The following AGMO variants were observed in gnomAD, a reference collection of about 807,000 sequenced individuals.
AGMO encodes the protein alkylglycerol monooxygenase.
Under a neutral mutation model 60.2 loss-of-function variants are expected in AGMO, and 75 were observed. The ratio of observed to expected loss-of-function variants is 1.25; its 90% CI spans 1.03 to 1.51. The LOEUF is 1.51. Among genes scored for constraint, AGMO ranks in the 40% most tolerant of loss-of-function variants. The probability of loss-of-function intolerance (pLI) is 0.00; values close to 1 mark genes in which losing one functional copy is unlikely to be tolerated. For missense variants in AGMO, 763 were observed against 525.5 expected (o/e 1.45, Z -4.42); for synonymous variants, 261 against 177.1 (o/e 1.47, Z -3.76).
chr7:15,509,984 G>C (rs1342966503), intron 3 of AGMO, among the ~76,000 whole-genome samples: 2 of 152,150 alleles, frequency 1.3e-5, no homozygotes, highest in African/African-American at 4.8e-5. Context: ...AATTGGTACA[G>C]CCATTATAGA....
chr7:15,213,559 A>T (rs1286328310), intron 12 of AGMO, among the ~76,000 whole-genome samples: 3 of 151,954 alleles, frequency 2.0e-5, no homozygotes, highest in African/African-American at 7.2e-5. Flanking sequence ...GTAATTGAAC[A>T]GTAAAAAAAC....
At chr7:15,334,497 CT>C (rs1781590821) in intron 12 of AGMO, among the ~76,000 whole-genome samples, 1 of 152,082 alleles carries the variant, frequency 6.6e-6, no homozygotes, top group East Asian at 1.9e-4. Context: ...CAATCCTTTG[CT>C]TTTCCCTAGG....
intron 10 of AGMO, among the ~76,000 whole-genome samples, chr7:15,377,349 C>G (rs181132013): frequency 6.6e-6 from 1 of 152,066 alleles, no homozygotes; most frequent in Non-Finnish European, 1.5e-5. Context: ...CTTGATATTT[C>G]TCTTCGTCAA....
intron 3 of AGMO, among the ~76,000 whole-genome samples, chr7:15,536,858 A>G (rs1436120358): frequency 6.6e-6 from 1 of 151,996 alleles, no homozygotes; most frequent in African/African-American, 2.4e-5. Context: ...CGCTAAATTT[A>G]GTCATAATTA....
the AGMO span, among the ~76,000 whole-genome samples, chr7:15,132,271 A>T: frequency 6.6e-6 from 1 of 152,176 alleles, no homozygotes; most frequent in East Asian, 1.9e-4. Context: ...CATTTAAATG[A>T]AATACTTCAA....
intron 12 of AGMO, among the ~76,000 whole-genome samples, chr7:15,237,498 T>C (rs1287945214): frequency 6.6e-6 from 1 of 151,982 alleles, no homozygotes; most frequent in East Asian, 1.9e-4. Flanking sequence ...TTTTTTTTTC[T>C]TGGCCAATAG....
chr7:15,507,196 C>A (rs1012818523), intron 3 of AGMO, among the ~76,000 whole-genome samples: 2 of 151,876 alleles, frequency 1.3e-5, no homozygotes, highest in African/African-American at 4.8e-5. Context: ...TATACAAACT[C>A]AAGAAATATT....
At chr7:15,117,331 C>A in the AGMO span, among the ~76,000 whole-genome samples, 1 of 151,742 alleles carries the variant, frequency 6.6e-6, no homozygotes, top group Non-Finnish European at 1.5e-5. Context: ...ATCATGTAAC[C>A]GATGTAATGG....
In AGMO at chr7:15,354,512, A is replaced by ACG. The variant is rs1164381623; in HGVS notation, c.1263+11001_1263+11002insCG. Among the ~76,000 whole-genome samples, 3 of 84,962 alleles carry ACG rather than the reference A, an allele frequency of 3.5e-5. 1 individual carries two copies. Among genetic ancestry groups the ACG allele is most frequent in the African/African-American group, 1.4e-4 (3 of 21,924 alleles). The allele number at this position is 84,962 out of a possible 152,430, so 55.7% of individuals were successfully genotyped here. A position where few individuals can be genotyped will look rare whatever the true frequency, so the allele number is the denominator to read the frequency against. On this transcript the variant is annotated intron_variant, in intron 12 of 12. Coordinates refer to ENST00000342526, the MANE Select transcript of AGMO (RefSeq NM_001004320.2). ...TACACACGTGTATATATATATATAT[A>ACG]TATATATATATATATATATATATAT...
chr7:15,520,003 C>CAA (rs573445663), intron 3 of AGMO, among the ~76,000 whole-genome samples: 8 of 134,252 alleles, frequency 6.0e-5, no homozygotes, highest in African/African-American at 2.2e-4. Flanking sequence ...AAAAAAGAAC[C>CAA]AAAAAAAAAA....
At chr7:15,505,641 AGAACATAACAT>A (rs948459595) in intron 3 of AGMO, among the ~76,000 whole-genome samples, 1 of 152,056 alleles carries the variant, frequency 6.6e-6, no homozygotes, top group Admixed American at 6.6e-5. Context: ...GGGGACAAAG[AGAACATAACAT>A]GAACATAACA....
chr7:15,145,344 T>C, the AGMO span, among the ~76,000 whole-genome samples: 1 of 152,104 alleles, frequency 6.6e-6, no homozygotes, highest in East Asian at 1.9e-4. Flanking sequence ...TAGCACACAG[T>C]TATTTAAAGA....
the AGMO span, among the ~76,000 whole-genome samples, chr7:15,126,075 A>G: frequency 6.6e-6 from 1 of 152,128 alleles, no homozygotes; most frequent in Non-Finnish European, 1.5e-5. Context: ...AAAATGAGCT[A>G]GGAGCTAGGC....
intron 12 of AGMO, among the ~76,000 whole-genome samples, chr7:15,360,727 T>C (rs1697830879): frequency 2.0e-5 from 3 of 152,116 alleles, no homozygotes; most frequent in African/African-American, 4.8e-5. Flanking sequence ...AATCCACATA[T>C]ACATGGACCT....
At chr7:15,438,560 T>C (rs1275491191) in intron 3 of AGMO, among the ~76,000 whole-genome samples, 1 of 152,234 alleles carries the variant, frequency 6.6e-6, no homozygotes, top group Non-Finnish European at 1.5e-5. Flanking sequence ...TTCATAATGA[T>C]GCACTGTGAG....
At chr7:15,149,490 TTA>T in the AGMO span, among the ~76,000 whole-genome samples, 2 of 152,158 alleles carry the variant, frequency 1.3e-5, no homozygotes, top group African/African-American at 2.4e-5. Context: ...GTTGATTTTA[TTA>T]TATGGTGAAA....
intron 3 of AGMO, among the ~76,000 whole-genome samples, chr7:15,454,560 A>C (rs1781948261): frequency 6.6e-6 from 1 of 152,068 alleles, no homozygotes; most frequent in African/African-American, 2.4e-5. Flanking sequence ...GTCATTGTTA[A>C]CATCTTAGTG....
At chr7:15,306,600 C>CA (rs1780622455) in intron 12 of AGMO, 1 of 431,034 alleles carries the variant, frequency 2.3e-6, no homozygotes, top group African/African-American at 2.1e-5. Context: ...CAAAATATGG[C>CA]AATTTGTGTT....
At chr7:15,479,306 C>A (rs1782686048) in intron 3 of AGMO, among the ~76,000 whole-genome samples, 9 of 152,096 alleles carry the variant, frequency 5.9e-5, no homozygotes. Context: ...TAAGCAAAAT[C>A]TAATGGATTG....
Sources: gnomAD v4.1 joint callset for allele counts (sites outside exome capture counted in the v4.1 genomes callset) on GRCh38, gnomAD v4.1.1 for gene constraint, MANE v1.5 for transcripts, NCBI Gene and HGNC (gene_info 2026-07-23, HGNC 2026-07-21) for gene names.